FBN1: variants seen among roughly 807,000 people sequenced by gnomAD.
FBN1 encodes the protein fibrillin 1, also known as fibrillin-1.
In FBN1, 29 loss-of-function variants were observed where a neutral mutation model predicts 365.1. The ratio of observed to expected loss-of-function variants is 0.08; its 90% CI spans 0.06 to 0.11. The LOEUF is 0.11. Among genes scored for constraint, FBN1 ranks in the 10% least tolerant of loss-of-function variants. The pLI, the probability that FBN1 is intolerant of heterozygous loss-of-function variation, is 1.00. For synonymous variants in FBN1, 1,210 were observed against 1,270.5 expected, an observed-to-expected ratio of 0.95 and a Z score of 1.01; for missense variants, 2,476 against 3,703.2, an observed-to-expected ratio of 0.67 and a Z score of 8.60.
chr15:48,516,123 T>TA lies in FBN1; in HGVS notation c.1327+59dup, dbSNP rs755708848. The TA allele has an allele frequency of 2.9e-5, 43 of 1,473,298 alleles. No individual in the cohort carries two copies. The African/African-American group carries it at 2.9e-4, about 10-fold the overall frequency. 91.3% of individuals were successfully genotyped at this position (1,473,298 alleles called of 1,614,324 possible). ...TGACTAAAGTAGCATAAATAAATAA[T>TA]AAAAAAATGTTAACTTGAACAATGC... On this transcript the variant is annotated intron_variant, in intron 11 of 65. Coordinates refer to ENST00000316623, the MANE Select transcript of FBN1 (RefSeq NM_000138.5).
intron 6 of FBN1, among the ~76,000 whole-genome samples, chr15:48,547,159 C>A (rs555206935): frequency 1.3e-5 from 2 of 152,180 alleles, no homozygotes; most frequent in Non-Finnish European, 2.9e-5. Flanking sequence ...TTATAAATTT[C>A]TTTTCCTTCC....
At chr15:48,546,810 C>T (rs943396101) in intron 6 of FBN1, among the ~76,000 whole-genome samples, 1 of 152,024 alleles carries the variant, frequency 6.6e-6, no homozygotes, top group Non-Finnish European at 1.5e-5. Flanking sequence ...AGGTAGGGGA[C>T]GTCCTTGGGC....
intron 6 of FBN1, among the ~76,000 whole-genome samples, chr15:48,591,907 T>A (rs74012208): frequency 0.012 from 1,897 of 152,320 alleles, 39 homozygotes; most frequent in African/African-American, 0.044. Flanking sequence ...TTCAGGCCTC[T>A]ATTTTACCAC....
chr15:48,488,623 A>C, intron 25 of FBN1, 130 bp from the exon 26 acceptor site: 1 of 995,122 alleles, frequency 1.0e-6, no homozygotes, highest in East Asian at 2.4e-5. Flanking sequence ...TACATTTCCA[A>C]GAATGTGTGA....
intron 6 of FBN1, among the ~76,000 whole-genome samples, chr15:48,573,189 C>T (rs1013448211): frequency 2.0e-5 from 3 of 152,128 alleles, no homozygotes; most frequent in African/African-American, 7.2e-5. Context: ...TTGGGATTGT[C>T]TCAAATTGTT....
At chr15:48,496,360 T>A in intron 19 of FBN1, 135 bp from the exon 20 acceptor site, 1 of 1,062,098 alleles carries the variant, frequency 9.4e-7, no homozygotes, top group Non-Finnish European at 1.4e-6. Flanking sequence ...CCTGTAGCAT[T>A]AGCTTTTACC....
At chr15:48,419,620 A>G (rs754348027) in intron 63 of FBN1, among the ~76,000 whole-genome samples, 4 of 152,230 alleles carry the variant, frequency 2.6e-5, no homozygotes, top group Non-Finnish European at 5.9e-5. Flanking sequence ...TCAACCCTAC[A>G]TGCCACTGCA....
Position 48,412,726 on chromosome 15 carries a change from A to C in FBN1, c.8069T>G (p.Met2690Arg), listed in dbSNP as rs747476726. The C allele has an allele frequency of 1.6e-5, 26 of 1,614,108 alleles. No homozygotes were observed. The East Asian group carries it at 5.1e-4, about 32-fold the overall frequency. ...CTCTGGGTTTCCTCGGCCCATGCCCATTCCAGAAACACAGTGCCTGCAGCA... is the reference window on the plus strand; with the variant it reads ...CTCTGGGTTTCCTCGGCCCATGCCCCTTCCAGAAACACAGTGCCTGCAGCA... ...RIGQGHCVSG[M>R]GMGRGNPEPP... Residue 2690 changes from methionine to arginine, a missense_variant, in exon 65 of 66, where the codon ATG becomes AGG. Met to Arg is a moderately conservative substitution (Grantham distance 91, BLOSUM62 -1). Around this residue, in one of 5 missense-constraint regions of FBN1, gnomAD observed 1,780 missense variants for 2,840.8 expected, o/e 0.63. Coordinates refer to ENST00000316623, the MANE Select transcript of FBN1 (RefSeq NM_000138.5).
At chr15:48,485,309 G>A (rs2043495950) in intron 30 of FBN1, 65 bp downstream of exon 30, 1 of 1,611,786 alleles carries the variant, frequency 6.2e-7, no homozygotes, top group Non-Finnish European at 8.5e-7. Context: ...TCCAAAGCCT[G>A]GGCCCTAAAC....
chr15:48,589,113 C>T (rs2044457130), intron 6 of FBN1, among the ~76,000 whole-genome samples: 1 of 152,194 alleles, frequency 6.6e-6, no homozygotes, highest in Non-Finnish European at 1.5e-5. Context: ...CCAGATGGCT[C>T]CTTGGAGCAG....
intron 45 of FBN1, 66 bp downstream of exon 45, chr15:48,452,496 G>C: frequency 6.3e-7 from 1 of 1,581,288 alleles, no homozygotes. Flanking sequence ...AATAAATCCA[G>C]ATATCTGAAG....
chr15:48,598,856 T>A (rs1476333116), intron 5 of FBN1, among the ~76,000 whole-genome samples: 5 of 152,186 alleles, frequency 3.3e-5, no homozygotes, highest in Non-Finnish European at 7.3e-5. Context: ...TTCTCATATG[T>A]TGTGGGAGGT....
intron 29 of FBN1, among the ~76,000 whole-genome samples, chr15:48,485,983 T>C (rs2043503395): frequency 6.6e-6 from 1 of 152,182 alleles, no homozygotes; most frequent in African/African-American, 2.4e-5. Context: ...CTTCAACAAA[T>C]GTTAATGACA....
In FBN1 at chr15:48,470,907, T is replaced by C. The variant is rs545574205; in HGVS notation, c.4337-151A>G. The stretch of plus-strand genomic sequence containing the variant: ...ACTTCTCCTATAGACTTTTAGATGA[T>C]TTGCCATGCACAGTGAAGTCTCGTA... On this transcript the variant is annotated intron_variant, in intron 35 of 65. Transcript: ENST00000316623. 11 of 908,644 alleles carry C rather than the reference T, an allele frequency of 1.2e-5. No homozygotes were observed. The African/African-American group carries it at 1.8e-4, about 15-fold the overall frequency. 56.3% of individuals were successfully genotyped at this position (908,644 alleles called of 1,614,324 possible).
In FBN1 at chr15:48,427,550, G is replaced by T; in HGVS notation, c.7204+17C>A. 6.2e-7 allele frequency: 1 copy of T among 1,607,810 alleles called. No homozygotes were observed. Among genetic ancestry groups the T allele is most frequent in the South Asian group, 1.1e-5 (1 of 90,950 alleles). The stretch of plus-strand genomic sequence containing the variant: ...AATAGATTCCCTGCAAGTATTTTTG[G>T]ACTATAAATGAAGTACCTGCTCCAT... On this transcript the variant is annotated intron_variant, in intron 58 of 65. Coordinates refer to ENST00000316623, the MANE Select transcript of FBN1 (RefSeq NM_000138.5).
chr15:48,428,139 G>T, intron 57 of FBN1: 1 of 684,356 alleles, frequency 1.5e-6, no homozygotes. Context: ...AGTGATTCAG[G>T]ATCCAATTAG....
intron 56 of FBN1, 115 bp downstream of exon 56, chr15:48,430,556 A>G: frequency 8.2e-7 from 1 of 1,219,868 alleles, no homozygotes; most frequent in Non-Finnish European, 1.2e-6. Flanking sequence ...CATGCGGTTA[A>G]GAGAACAAAA....
rs71432262 is a variant in FBN1, at chr15:48,552,276, C to CTT, written c.539-14470_539-14469dup. On this transcript the variant is annotated intron_variant, in intron 6 of 65. Coordinates refer to ENST00000316623, the MANE Select transcript of FBN1 (RefSeq NM_000138.5). The stretch of plus-strand genomic sequence containing the variant: ...CCTCAGTTTCAATGACTTTTTTTTT[C>CTT]TTTTTTTTTTTTTTGAGACAGAATC... 6.7e-3 allele frequency among the ~76,000 whole-genome samples: 933 copies of CTT among 139,982 alleles called. 11 individuals carry two copies. Among genetic ancestry groups the CTT allele is most frequent in the East Asian group, 0.011 (53 of 4,872 alleles). 91.8% of individuals were successfully genotyped at this position (139,982 alleles called of 152,430 possible).
At chr15:48,477,569 G>A (rs1331233528) in intron 32 of FBN1, among the ~76,000 whole-genome samples, 2 of 152,126 alleles carry the variant, frequency 1.3e-5, no homozygotes, top group African/African-American at 4.8e-5. Flanking sequence ...TTGTTTCTGT[G>A]GCAGACTTGG....
Sources: gnomAD v4.1 joint callset for allele counts (sites outside exome capture counted in the v4.1 genomes callset) on GRCh38, gnomAD v4.1.1 for gene constraint, gnomAD v4.1.1 regional missense constraint, MANE v1.5 for transcripts, NCBI Gene and HGNC (gene_info 2026-07-23, HGNC 2026-07-21) for gene names.